Variants in SPRYD4 observed in about 807,000 individuals in gnomAD.
SPRYD4 encodes the protein SPRY domain-containing protein 4.
In SPRYD4, 12 loss-of-function variants were observed where a neutral mutation model predicts 16.6. That is an observed-to-expected ratio of 0.72 (90% CI 0.46 to 1.17). The LOEUF is 1.17. Among genes scored for constraint, SPRYD4 ranks in the 50% most tolerant of loss-of-function variants. The pLI is 0.00. For synonymous variants in SPRYD4, 98 were observed against 105.4 expected (o/e 0.93, Z 0.43); for missense variants, 260 against 260.2 (o/e 1.00, Z 0.00).
chr12:56,468,948 G>GT, intron 1 of SPRYD4, 91 bp from the exon 2 acceptor site: 1 of 1,458,796 alleles, frequency 6.9e-7, no homozygotes, highest in Non-Finnish European at 9.2e-7. Context: ...AGTTGCTCGT[G>GT]TATCATGGCT....
rs1002101084 is a variant in SPRYD4 at position 56,478,956 on chromosome 12, C to G, written c.*9379C>G. On this transcript the variant is annotated 3_prime_UTR_variant, in exon 2 of 2. Coordinates refer to ENST00000338146, the MANE Select transcript of SPRYD4 (RefSeq NM_207344.4). Reference sequence around the variant, plus strand: ...CTGAGATTGCACCATTGCACTCCAGCCCGGGTGACAGAGCAAAACTCTGTC... The same window carrying G: ...CTGAGATTGCACCATTGCACTCCAGGCCGGGTGACAGAGCAAAACTCTGTC... The G allele has an allele frequency of 6.7e-6, 10 of 1,482,126 alleles. No homozygotes were observed. The African/African-American group carries it at 1.1e-4, about 17-fold the overall frequency. The allele number at this position is 1,482,126 out of a possible 1,614,324, so 91.8% of individuals were successfully genotyped here.
chr12:56,474,655 C>T lies in SPRYD4; in HGVS notation c.*5078C>T. On this transcript the variant is annotated 3_prime_UTR_variant, in exon 2 of 2. Transcript: ENST00000338146. ...CACTCTCGCCTGTGATGGGGCAGATCCCACCGTTGGCGAGGGTGGCTGCCA... is the reference window on the plus strand; with the variant it reads ...CACTCTCGCCTGTGATGGGGCAGATTCCACCGTTGGCGAGGGTGGCTGCCA... 1 of 1,613,954 alleles carries T rather than the reference C, an allele frequency of 6.2e-7. No homozygotes were observed. Among genetic ancestry groups the T allele is most frequent in the South Asian group, 1.1e-5 (1 of 91,084 alleles).
Position 56,473,436 on chromosome 12 carries a change from G to C in SPRYD4, c.*3859G>C. 6.2e-7 allele frequency: 1 copy of C among 1,605,462 alleles called. No individual in the cohort carries two copies. The highest frequency in any genetic ancestry group is 8.5e-7 in the Non-Finnish European group (1 of 1,174,948). ...AAACAAATTTATTGCTTCAAAAATA[G>C]TAAGTACTATATGCAAAGCATCTCA... On this transcript the variant is annotated 3_prime_UTR_variant, in exon 2 of 2. Coordinates refer to ENST00000338146, the MANE Select transcript of SPRYD4 (RefSeq NM_207344.4).
rs1279989350 is a variant in SPRYD4, at chr12:56,476,533, C to T, written c.*6956C>T. ...ATTTGGGGGGCTGAGGCAGGAGGATCGCTTGAGACCAGGGGTTTGAGACCA... is the reference window on the plus strand; with the variant it reads ...ATTTGGGGGGCTGAGGCAGGAGGATTGCTTGAGACCAGGGGTTTGAGACCA... On this transcript the variant is annotated 3_prime_UTR_variant, in exon 2 of 2. Transcript: ENST00000338146. 1.9e-5 allele frequency: 3 copies of T among 153,854 alleles called. No individual in the cohort carries two copies. Among genetic ancestry groups the T allele is most frequent in the East Asian group, 3.9e-4 (2 of 5,170 alleles). 9.5% of individuals were successfully genotyped at this position (153,854 alleles called of 1,614,324 possible).
Position 56,475,098 on chromosome 12 carries a change from C to T in SPRYD4, c.*5521C>T. The T allele has an allele frequency of 6.2e-7, 1 of 1,614,112 alleles. No homozygotes were observed. The highest frequency in any genetic ancestry group is 8.5e-7 in the Non-Finnish European group (1 of 1,180,034). On this transcript the variant is annotated 3_prime_UTR_variant, in exon 2 of 2. Transcript: ENST00000338146. ...CATAATTCCGATCCCCTGTTTCCTT[C>T]TCTGACTGGAATCTGAAGCAAACAC...
Position 56,468,685 on chromosome 12 carries a change from A to C in SPRYD4, c.85+9A>C. 6.2e-7 allele frequency: 1 copy of C among 1,611,958 alleles called. No homozygotes were observed. Among genetic ancestry groups the C allele is most frequent in the Non-Finnish European group, 8.5e-7 (1 of 1,178,118 alleles). On this transcript the variant is annotated intron_variant, in intron 1 of 1. Coordinates refer to ENST00000338146, the MANE Select transcript of SPRYD4 (RefSeq NM_207344.4). ...CACAGAGGCCCAGAGAGGTAGGATTATCTCTTTTTACTCTTTTACCTCCAG... is the reference window on the plus strand; with the variant it reads ...CACAGAGGCCCAGAGAGGTAGGATTCTCTCTTTTTACTCTTTTACCTCCAG...
In SPRYD4 at chr12:56,469,316, C is replaced by T. The variant is rs745868272; in HGVS notation, c.363C>T (p.Ser121=). 4 of 1,614,158 alleles carry T rather than the reference C, an allele frequency of 2.5e-6. No individual in the cohort carries two copies. Among genetic ancestry groups the T allele is most frequent in the Non-Finnish European group, 3.4e-6 (4 of 1,180,006 alleles). ...RDSCIGVDDR[S]WVFTYAQRKW... is the part of the protein sequence containing the mutation. ...GCTGCATTGGTGTTGATGATCGTTC[C>T]TGGGTGTTCACCTATGCCCAGCGCA... The change falls in exon 2 of 2, where the codon TCC becomes TCT. Residue 121 remains serine (S), a synonymous_variant. Coordinates refer to ENST00000338146, the MANE Select transcript of SPRYD4 (RefSeq NM_207344.4).
Position 56,472,275 on chromosome 12 carries a change from T to C in SPRYD4, c.*2698T>C. 4 of 1,303,672 alleles carry C rather than the reference T, an allele frequency of 3.1e-6. No individual in the cohort carries two copies. The highest frequency in any genetic ancestry group is 4.4e-6 in the Non-Finnish European group (4 of 903,034). The allele number at this position is 1,303,672 out of a possible 1,614,324, so 80.8% of individuals were successfully genotyped here. A position where few individuals can be genotyped will look rare whatever the true frequency, so the allele number is the denominator to read the frequency against. On this transcript the variant is annotated 3_prime_UTR_variant, in exon 2 of 2. Transcript: ENST00000338146. Reference sequence around the variant, plus strand: ...TGTTCTTTGTGAACTGGTGTCAGACTGGATGAGTTTCAGAGAAAGTGAAAC... The same window carrying C: ...TGTTCTTTGTGAACTGGTGTCAGACCGGATGAGTTTCAGAGAAAGTGAAAC...
chr12:56,474,877 T>C lies in SPRYD4; in HGVS notation c.*5300T>C. The C allele has an allele frequency of 6.2e-7, 1 of 1,614,166 alleles. No individual in the cohort carries two copies. The highest frequency in any genetic ancestry group is 8.5e-7 in the Non-Finnish European group (1 of 1,180,030). On this transcript the variant is annotated 3_prime_UTR_variant, in exon 2 of 2. Transcript: ENST00000338146. ...GTAGAGATCAAGGGCAGCCATCATG[T>C]CCACCCCCTTAGGAAAGCACTGCAA...
chr12:56,469,226 A>G lies in SPRYD4; in HGVS notation c.273A>G (p.Glu91=), dbSNP rs1463471012. The G allele has an allele frequency of 6.2e-7, 1 of 1,613,868 alleles. No individual in the cohort carries two copies. Among genetic ancestry groups the G allele is most frequent in the South Asian group, 1.1e-5 (1 of 91,076 alleles). ...TCACCAGTGGCAGACACTACTGGGA[A>G]GTGACAGTGAAGCGCTCCCAGCAGT... ...TAVTSGRHYW[E]VTVKRSQQFR... Residue 91 remains glutamate (E), a synonymous_variant, in exon 2 of 2, where the codon GAA becomes GAG. Transcript: ENST00000338146.
At position 56,473,981 on chromosome 12, in the gene SPRYD4, T is replaced by C. The variant is rs1207559721; in HGVS notation, c.*4404T>C. On this transcript the variant is annotated 3_prime_UTR_variant, in exon 2 of 2. Transcript: ENST00000338146. ...AGGGGGGCCACATGAGATAGGGTGG[T>C]CAGAAAAGTCTTTCTTTGGAAATGA... The C allele has an allele frequency of 2.8e-5, 5 of 181,022 alleles. No homozygotes were observed. The highest frequency in any genetic ancestry group is 1.2e-4 in the African/African-American group (5 of 41,984). 11.2% of individuals were successfully genotyped at this position (181,022 alleles called of 1,614,324 possible).
Position 56,471,723 on chromosome 12 carries a change from T to C in SPRYD4, c.*2146T>C. 6.2e-7 allele frequency: 1 copy of C among 1,610,352 alleles called. No homozygotes were observed. Among genetic ancestry groups the C allele is most frequent in the Non-Finnish European group, 8.5e-7 (1 of 1,176,618 alleles). On this transcript the variant is annotated 3_prime_UTR_variant, in exon 2 of 2. Coordinates refer to ENST00000338146, the MANE Select transcript of SPRYD4 (RefSeq NM_207344.4). Reference sequence around the variant, plus strand: ...ATATATTTGCATGGTGGCTGGAGGGTAGGTGGAGAAGCTGTGCCCACCCTC... The same window carrying C: ...ATATATTTGCATGGTGGCTGGAGGGCAGGTGGAGAAGCTGTGCCCACCCTC...
Position 56,474,645 on chromosome 12 carries a change from T to C in SPRYD4, c.*5068T>C. The C allele has an allele frequency of 6.2e-7, 1 of 1,614,178 alleles. No individual in the cohort carries two copies. The highest frequency in any genetic ancestry group is 1.3e-5 in the African/African-American group (1 of 75,058). ...GCACTCAGCACACTCTCGCCTGTGA[T>C]GGGGCAGATCCCACCGTTGGCGAGG... On this transcript the variant is annotated 3_prime_UTR_variant, in exon 2 of 2. Coordinates refer to ENST00000338146, the MANE Select transcript of SPRYD4 (RefSeq NM_207344.4).
chr12:56,477,799 A>G lies in SPRYD4; in HGVS notation c.*8222A>G. 6.4e-7 allele frequency: 1 copy of G among 1,552,308 alleles called. No homozygotes were observed. Among genetic ancestry groups the G allele is most frequent in the Non-Finnish European group, 8.8e-7 (1 of 1,139,380 alleles). Reference sequence around the variant, plus strand: ...GCCCGCTCACTTTGTGGGTTAGACAAGAAAGACTGCTAGGGAGAAAGGCAT... The same window carrying G: ...GCCCGCTCACTTTGTGGGTTAGACAGGAAAGACTGCTAGGGAGAAAGGCAT... On this transcript the variant is annotated 3_prime_UTR_variant, in exon 2 of 2. Coordinates refer to ENST00000338146, the MANE Select transcript of SPRYD4 (RefSeq NM_207344.4).
In SPRYD4 at chr12:56,477,624, G is replaced by T; in HGVS notation, c.*8047G>T. 6.3e-7 allele frequency: 1 copy of T among 1,595,980 alleles called. No individual in the cohort carries two copies. The highest frequency in any genetic ancestry group is 8.6e-7 in the Non-Finnish European group (1 of 1,166,394). On this transcript the variant is annotated 3_prime_UTR_variant, in exon 2 of 2. Transcript: ENST00000338146. ...GGATACAGGAACACAGGAGCTTAGAGGATAATACCTATCAGAAGGTTAAGG... is the reference window on the plus strand; with the variant it reads ...GGATACAGGAACACAGGAGCTTAGATGATAATACCTATCAGAAGGTTAAGG...
At position 56,474,235 on chromosome 12, in the gene SPRYD4, G is replaced by C; in HGVS notation, c.*4658G>C. On this transcript the variant is annotated 3_prime_UTR_variant, in exon 2 of 2. Coordinates refer to ENST00000338146, the MANE Select transcript of SPRYD4 (RefSeq NM_207344.4). ...CTCCCAAGTAGCTGGGATTACAGGT[G>C]CACACCACCACCCCCGGCTAATTTT... 1 of 354,492 alleles carries C rather than the reference G, an allele frequency of 2.8e-6. No individual in the cohort carries two copies. The highest frequency in any genetic ancestry group is 9.5e-4 in the Middle Eastern group (1 of 1,050). The allele number at this position is 354,492 out of a possible 1,614,324, so 22.0% of individuals were successfully genotyped here. A position where few individuals can be genotyped will look rare whatever the true frequency, so the allele number is the denominator to read the frequency against.
Position 56,469,103 on chromosome 12 carries a change from G to C in SPRYD4, c.150G>C (p.Thr50=), listed in dbSNP as rs1235803043. The change falls in exon 2 of 2, where the codon ACG becomes ACC. Residue 50 remains threonine, a synonymous_variant. Transcript: ENST00000338146. Reference sequence around the variant, plus strand: ...GCCTGGCACTCTTCAGAGATGATACGGGTGTCAAATATGGCTTGGTGGGAT... The same window carrying C: ...GCCTGGCACTCTTCAGAGATGATACCGGTGTCAAATATGGCTTGGTGGGAT... The part of the protein sequence containing the change: ...HSSLALFRDD[T]GVKYGLVGLE... 6.2e-7 allele frequency: 1 copy of C among 1,612,790 alleles called. No homozygotes were observed. Among genetic ancestry groups the C allele is most frequent in the Non-Finnish European group, 8.5e-7 (1 of 1,179,260 alleles).
rs761448385 is a variant in SPRYD4, at chr12:56,477,674, T to A, written c.*8097T>A. 4 of 1,613,432 alleles carry A rather than the reference T, an allele frequency of 2.5e-6. No homozygotes were observed. The highest frequency in any genetic ancestry group is 3.4e-6 in the Non-Finnish European group (4 of 1,179,760). Reference sequence around the variant, plus strand: ...GTGGCACTGACCTTGATCAGGGAGCTGACAACAATGGCACCAGCATTGACC... The same window carrying A: ...GTGGCACTGACCTTGATCAGGGAGCAGACAACAATGGCACCAGCATTGACC... On this transcript the variant is annotated 3_prime_UTR_variant, in exon 2 of 2. Transcript: ENST00000338146.
In SPRYD4 at chr12:56,473,704, C is replaced by T. The variant is rs1869522035; in HGVS notation, c.*4127C>T. On this transcript the variant is annotated 3_prime_UTR_variant, in exon 2 of 2. Coordinates refer to ENST00000338146, the MANE Select transcript of SPRYD4 (RefSeq NM_207344.4). ...TTACAAATGACTGCATGACCACAAT[C>T]CACCTCAACCTTTTGGCTTGTTAAT... 1 of 1,343,550 alleles carries T rather than the reference C, an allele frequency of 7.4e-7. No individual in the cohort carries two copies. Among genetic ancestry groups the T allele is most frequent in the South Asian group, 1.7e-5 (1 of 59,414 alleles). The allele number at this position is 1,343,550 out of a possible 1,614,324, so 83.2% of individuals were successfully genotyped here.
Sources: gnomAD v4.1 joint callset for allele counts on GRCh38, gnomAD v4.1.1 for gene constraint, MANE v1.5 for transcripts, NCBI Gene and HGNC (gene_info 2026-07-23, HGNC 2026-07-21) for gene names.